Variants in LARGE1 observed in about 807,000 individuals in gnomAD.
LARGE1 encodes the protein LARGE xylosyl- and glucuronyltransferase 1.
In LARGE1, 43 loss-of-function variants were observed where a neutral mutation model predicts 87.6. That is an observed-to-expected ratio of 0.49 (90% CI 0.38 to 0.63). The LOEUF (loss-of-function observed/expected upper bound fraction) is 0.63. Among genes scored for constraint, LARGE1 ranks in the 30% least tolerant of loss-of-function variants. The pLI, the probability that LARGE1 is intolerant of heterozygous loss-of-function variation, is 0.00. For synonymous variants in LARGE1, 434 were observed against 394.6 expected (o/e 1.10, Z -1.18); for missense variants, 802 against 1,000.2 (o/e 0.80, Z 2.67).
chr22:33,855,282 G>A lies in LARGE1; in HGVS notation c.-83+64713C>T, dbSNP rs557449074. ...CCAGGAGGCGGAGCTTGCAGTGAGC[G>A]GAGATCGCGCCACCACACTCCAGCC... On this transcript the variant is annotated intron_variant, in intron 1 of 14. Coordinates refer to ENST00000397394, the MANE Select transcript of LARGE1 (RefSeq NM_133642.5). Among the ~76,000 whole-genome samples, 80 of 152,184 alleles carry A rather than the reference G, an allele frequency of 5.3e-4. 1 individual carries two copies. Among genetic ancestry groups the A allele is most frequent in the South Asian group, 5.0e-3 (24 of 4,824 alleles).
chr22:33,432,253 A>T lies in LARGE1; in HGVS notation c.800T>A (p.Leu267Gln). The T allele has an allele frequency of 6.2e-7, 1 of 1,614,040 alleles. No homozygotes were observed. The highest frequency in any genetic ancestry group is 1.1e-5 in the South Asian group (1 of 91,072). The change falls in exon 7 of 15, where the codon CTG (leucine) becomes CAG (glutamine). Residue 267 changes from leucine to glutamine, a missense_variant. Coordinates refer to ENST00000397394, the MANE Select transcript of LARGE1 (RefSeq NM_133642.5). ...GTCACTCTGGTTCTCCACCAAGCCC[A>T]GGACTTGCTGACCTGTGAGGTACAG... ...VFHKFKGQQV[L>Q]GLVENQSDWY...
At chr22:33,877,308 G>C (rs1039957071) in intron 1 of LARGE1, among the ~76,000 whole-genome samples, 12 of 152,120 alleles carry the variant, frequency 7.9e-5, no homozygotes, top group Non-Finnish European at 1.5e-4. Flanking sequence ...GTTCAGTCTA[G>C]TCAAGATTAT....
chr22:33,180,123 G>C (rs1923085221), intron 11 of LARGE1, among the ~76,000 whole-genome samples: 1 of 152,108 alleles, frequency 6.6e-6, no homozygotes, highest in Non-Finnish European at 1.5e-5. Flanking sequence ...CCTTGATCTT[G>C]GACTCCCAAC....
At chr22:33,129,458 A>G in the LARGE1 span, among the ~76,000 whole-genome samples, 2 of 152,216 alleles carry the variant, frequency 1.3e-5, no homozygotes, top group Non-Finnish European at 2.9e-5. Flanking sequence ...ACCAAGGTCA[A>G]TCCCACGGTT....
At chr22:33,465,815 T>A (rs1490401497) in intron 6 of LARGE1, among the ~76,000 whole-genome samples, 1 of 152,238 alleles carries the variant, frequency 6.6e-6, no homozygotes, top group Non-Finnish European at 1.5e-5. Context: ...AACAGGAATC[T>A]GCGTCTGCCC....
chr22:33,593,090 C>T (rs568265327), intron 5 of LARGE1, among the ~76,000 whole-genome samples: 65 of 152,344 alleles, frequency 4.3e-4, no homozygotes, highest in African/African-American at 1.3e-3. Flanking sequence ...CCGCCCACCT[C>T]GGCCTCCCAA....
At chr22:33,163,844 C>T (rs1189887085) in exon 12 of LARGE1, 1 of 152,196 alleles carries the variant, frequency 6.6e-6, no homozygotes, top group Non-Finnish European at 1.5e-5. Context: ...ATGAAACTCC[C>T]AATTGGCTTG....
Position 33,869,438 on chromosome 22 carries a change from AC to A in LARGE1, c.-83+50556del, listed in dbSNP as rs551538522. On this transcript the variant is annotated intron_variant, in intron 1 of 14. Coordinates refer to ENST00000397394, the MANE Select transcript of LARGE1 (RefSeq NM_133642.5). ...TATTCTCCATTCTGACTGCAAAGCA[AC>A]CCAGGGGTCTGAAAAATCGAAGCCT... Among the ~76,000 whole-genome samples, 34 of 152,316 alleles carry A rather than the reference AC, an allele frequency of 2.2e-4. No individual in the cohort carries two copies. In the East Asian group the frequency reaches 6.4e-3, roughly 29 times the overall value.
chr22:33,130,970 C>A, the LARGE1 span, among the ~76,000 whole-genome samples: 1 of 135,846 alleles, frequency 7.4e-6, no homozygotes, highest in Admixed American at 8.2e-5. Context: ...GGAGGCGGAG[C>A]TTGCAGTGAG....
Position 33,840,000 on chromosome 22 carries a change from A to T in LARGE1, c.-82-78442T>A, listed in dbSNP as rs2063229477. 2.0e-5 allele frequency among the ~76,000 whole-genome samples: 3 copies of T among 152,284 alleles called. No homozygotes were observed. In the East Asian group the frequency reaches 5.8e-4, roughly 29 times the overall value. ...ACATAAAACCCTGCTGATCCCATTTACTTATGAAACGATCTATGGGCCAGA... is the reference window on the plus strand; with the variant it reads ...ACATAAAACCCTGCTGATCCCATTTTCTTATGAAACGATCTATGGGCCAGA... On this transcript the variant is annotated intron_variant, in intron 1 of 14. Transcript: ENST00000397394.
At chr22:33,511,589 G>A (rs1296236866) in intron 6 of LARGE1, among the ~76,000 whole-genome samples, 1 of 152,154 alleles carries the variant, frequency 6.6e-6, no homozygotes, top group Non-Finnish European at 1.5e-5. Context: ...TGTGATGTTT[G>A]CAGACCCTAT....
At chr22:33,275,468 A>G (rs1472234474) in intron 14 of LARGE1, among the ~76,000 whole-genome samples, 1 of 152,212 alleles carries the variant, frequency 6.6e-6, no homozygotes, top group Non-Finnish European at 1.5e-5. Context: ...TGTTTTAGGT[A>G]GAACAATACA....
chr22:33,558,629 T>C (rs73882257), intron 6 of LARGE1, among the ~76,000 whole-genome samples: 5,194 of 152,244 alleles, frequency 0.034, 170 homozygotes, highest in African/African-American at 0.095. Context: ...GCTAAGCTCT[T>C]CTGACTCCAC....
At chr22:33,122,333 G>T in the LARGE1 span, among the ~76,000 whole-genome samples, 1 of 150,666 alleles carries the variant, frequency 6.6e-6, no homozygotes, top group African/African-American at 2.4e-5. Context: ...AGTATCTAGA[G>T]TCTTTTTTTC....
rs1481875590 is a variant in LARGE1 at position 33,876,988 on chromosome 22, G to A, written c.-83+43007C>T. The stretch of plus-strand genomic sequence containing the variant: ...ACATAAGCCCCCTTCACCCAGGGCT[G>A]TATTTATAAAACCCACCATCTAATG... On this transcript the variant is annotated intron_variant, in intron 1 of 14. Transcript: ENST00000397394. Among the ~76,000 whole-genome samples, 5 of 152,120 alleles carry A rather than the reference G, an allele frequency of 3.3e-5. No homozygotes were observed. In the East Asian group the frequency reaches 9.7e-4, roughly 29 times the overall value.
At chr22:33,806,970 A>G (rs1320698714) in intron 1 of LARGE1, among the ~76,000 whole-genome samples, 1 of 151,858 alleles carries the variant, frequency 6.6e-6, no homozygotes. Context: ...AGATCTCACC[A>G]TTGCACTCCA....
chr22:33,264,299 T>C (rs1274467150), intron 11 of LARGE1, among the ~76,000 whole-genome samples: 1 of 152,220 alleles, frequency 6.6e-6, no homozygotes, highest in Non-Finnish European at 1.5e-5. Context: ...AGTCTCATCC[T>C]AATCCATTCA....
chr22:33,491,418 T>C (rs374482476), intron 6 of LARGE1, among the ~76,000 whole-genome samples: 1 of 152,160 alleles, frequency 6.6e-6, no homozygotes, highest in East Asian at 1.9e-4. Flanking sequence ...ACAGAACCTC[T>C]GATAAAAGTA....
chr22:33,304,571 G>C (rs74507820), intron 11 of LARGE1, 64 bp from the exon 12 acceptor site: 5 of 1,474,802 alleles, frequency 3.4e-6, no homozygotes, highest in Non-Finnish European at 4.5e-6. Context: ...CGCCGGGCCT[G>C]TTGTGGGGCT....
Sources: gnomAD v4.1 joint callset for allele counts (sites outside exome capture counted in the v4.1 genomes callset) on GRCh38, gnomAD v4.1.1 for gene constraint, MANE v1.5 for transcripts, NCBI Gene and HGNC (gene_info 2026-07-23, HGNC 2026-07-21) for gene names.